SCN9A: variants seen among roughly 807,000 people sequenced by gnomAD.
SCN9A encodes the protein sodium voltage-gated channel alpha subunit 9, also known as sodium channel protein type 9 subunit alpha.
A neutral mutation model predicts 187.0 loss-of-function variants in SCN9A; 131 were observed. That is an observed-to-expected ratio of 0.70 (90% confidence interval 0.61 to 0.81). The LOEUF is 0.81. Among genes scored for constraint, SCN9A ranks in the 30% least tolerant of loss-of-function variants. SCN9A has a pLI of 0.00. For synonymous variants in SCN9A, 809 were observed against 808.6 expected (o/e 1.00, Z -0.01); for missense variants, 2,252 against 2,396.6 (o/e 0.94, Z 1.26).
At chr2:166,313,021 T>C (rs1352355239) in intron 1 of SCN9A, among the ~76,000 whole-genome samples, 1 of 139,098 alleles carries the variant, frequency 7.2e-6, no homozygotes, top group East Asian at 2.0e-4. Flanking sequence ...TTAAATAATA[T>C]AGTTATTATT....
chr2:166,321,679 A>T (rs932887006), intron 1 of SCN9A, among the ~76,000 whole-genome samples: 1 of 152,138 alleles, frequency 6.6e-6, no homozygotes, highest in African/African-American at 2.4e-5. Flanking sequence ...TGATAAACCA[A>T]AAAGGGTAAA....
intron 9 of SCN9A, among the ~76,000 whole-genome samples, chr2:166,291,999 A>G (rs1698094116): frequency 6.6e-6 from 1 of 152,222 alleles, no homozygotes; most frequent in Non-Finnish European, 1.5e-5. Flanking sequence ...ACCATTCAGG[A>G]AATAGGCATG....
intron 1 of SCN9A, among the ~76,000 whole-genome samples, chr2:166,327,145 A>T (rs188023656): frequency 6.6e-6 from 1 of 152,168 alleles, no homozygotes; most frequent in Non-Finnish European, 1.5e-5. Flanking sequence ...ATGAGTTTAA[A>T]TTTTTGAAAG....
rs1170207679 is a variant in SCN9A at position 166,304,283 on chromosome 2, T to C, written c.643A>G (p.Thr215Ala). ...TTCAAAGCTCTCAATACTCTGAAAG[T>C]TCGAAGAGCTGAAACATTGCCTAGG... The part of the protein sequence containing the change: ...VNLGNVSALR[T>A]FRVLRALKTI... The change falls in exon 6 of 27, where the codon ACT becomes GCT. Residue 215 changes from threonine to alanine, a missense_variant. Around this residue, in one of 7 missense-constraint regions of SCN9A, gnomAD observed 1,013 missense variants for 997.4 expected, o/e 1.02. Transcript: ENST00000642356. 1 of 1,613,444 alleles carries C rather than the reference T, an allele frequency of 6.2e-7. No homozygotes were observed. The highest frequency in any genetic ancestry group is 2.2e-5 in the East Asian group (1 of 44,882).
chr2:166,280,515 A>T lies in SCN9A; in HGVS notation c.2185T>A (p.Tyr729Asn), dbSNP rs749350764. The change falls in exon 14 of 27, where the codon TAT becomes AAT. Residue 729 changes from tyrosine (Y) to asparagine (N), a missense_variant. By Grantham distance (143) the Tyr-to-Asn change is moderately radical. Transcript: ENST00000642356. ...HKFLIWNCSP[Y>N]WIKFKKCIYF... ...ATACACTTTTTGAATTTTATCCAATATGGAGAGCAATTCCAGATCAAGAAT... is the reference window on the plus strand; with the variant it reads ...ATACACTTTTTGAATTTTATCCAATTTGGAGAGCAATTCCAGATCAAGAAT... 4 of 1,590,580 alleles carry T rather than the reference A, an allele frequency of 2.5e-6. No homozygotes were observed. In the East Asian group the frequency reaches 9.0e-5, roughly 36 times the overall value.
At position 166,284,580 on chromosome 2, in the gene SCN9A, C is replaced by A; in HGVS notation, c.1847G>T (p.Gly616Val). 1 of 1,614,100 alleles carries A rather than the reference C, an allele frequency of 6.2e-7. No individual in the cohort carries two copies. The highest frequency in any genetic ancestry group is 8.5e-7 in the Non-Finnish European group (1 of 1,179,964). ...GCAGTCCACAGCACTGTGCATTTTC[C>A]CGTTCACCGGCAGCATTGGTGGGGA... is the stretch of plus-strand genomic sequence containing the variant. ...SRSPPMLPVN[G>V]KMHSAVDCNG... The change falls in exon 12 of 27, where the codon GGG becomes GTG. Residue 616 changes from glycine (G) to valine (V), a missense_variant. This residue lies in a region of SCN9A where 1,013 missense variants were observed against 997.4 expected (regional missense o/e 1.02). Transcript: ENST00000642356.
At chr2:166,342,461 T>G (rs1216512693) in intron 1 of SCN9A, among the ~76,000 whole-genome samples, 1 of 152,190 alleles carries the variant, frequency 6.6e-6, no homozygotes, top group Non-Finnish European at 1.5e-5. Context: ...TATAATTAAG[T>G]GTTACAAACA....
At chr2:166,253,043 A>C (rs969557986) in intron 17 of SCN9A, among the ~76,000 whole-genome samples, 2 of 151,902 alleles carry the variant, frequency 1.3e-5, no homozygotes, top group Non-Finnish European at 2.9e-5. Context: ...ATTTCAGATA[A>C]ATTGATTCTC....
chr2:166,200,637 CTATT>C (rs1447156693), intron 26 of SCN9A, among the ~76,000 whole-genome samples: 1 of 151,900 alleles, frequency 6.6e-6, no homozygotes, highest in Non-Finnish European at 1.5e-5. Flanking sequence ...TTTTTGTAAC[CTATT>C]TATTTATTTT....
chr2:166,229,188 C>T (rs1694978532), intron 21 of SCN9A, among the ~76,000 whole-genome samples: 1 of 152,110 alleles, frequency 6.6e-6, no homozygotes, highest in Admixed American at 6.5e-5. Flanking sequence ...CTGTGATCAC[C>T]AGGCTTACAA....
rs570828511 is a variant in SCN9A at position 166,283,315 on chromosome 2, AC to A, written c.1974+1137del. Among the ~76,000 whole-genome samples the A allele has an allele frequency of 3.5e-3, 537 of 152,328 alleles. 2 individuals carry two copies. Among genetic ancestry groups the A allele is most frequent in the African/African-American group, 0.012 (505 of 41,584 alleles). On this transcript the variant is annotated intron_variant, in intron 12 of 26. Coordinates refer to ENST00000642356, the MANE Select transcript of SCN9A (RefSeq NM_001365536.1). The stretch of plus-strand genomic sequence containing the variant: ...CATGCACACATAGAGGTCACATGTT[AC>A]CTAAAAGCACATGCATTTATTCAAA...
In SCN9A at chr2:166,195,554, T is replaced by G. The variant is rs1693220736; in HGVS notation, c.*3118A>C. 1 of 152,302 alleles carries G rather than the reference T, an allele frequency of 6.6e-6. No individual in the cohort carries two copies. The highest frequency in any genetic ancestry group is 1.5e-5 in the Non-Finnish European group (1 of 68,018). The allele number at this position is 152,302 out of a possible 1,614,324, so 9.4% of individuals were successfully genotyped here. A position where few individuals can be genotyped will look rare whatever the true frequency, so the allele number is the denominator to read the frequency against. On this transcript the variant is annotated 3_prime_UTR_variant, in exon 27 of 27. Coordinates refer to ENST00000642356, the MANE Select transcript of SCN9A (RefSeq NM_001365536.1). ...TTTCTCTGAAATAGCTATTTAGAAC[T>G]GCTTTATTTACATATGCATTTTATT...
intron 1 of SCN9A, among the ~76,000 whole-genome samples, chr2:166,329,267 C>T (rs997416823): frequency 6.6e-6 from 1 of 152,022 alleles, no homozygotes; most frequent in Non-Finnish European, 1.5e-5. Context: ...CGGTTCCTTA[C>T]TTTTCAAATT....
rs1318970693 is a variant in SCN9A at position 166,340,616 on chromosome 2, C to CT, written c.-50-28811dup. Among the ~76,000 whole-genome samples the CT allele has an allele frequency of 4.7e-3, 206 of 43,626 alleles. 2 individuals carry two copies. The highest frequency in any genetic ancestry group is 0.017 in the African/African-American group (90 of 5,292). The allele number at this position is 43,626 out of a possible 152,430, so 28.6% of individuals were successfully genotyped here. A position where few individuals can be genotyped will look rare whatever the true frequency, so the allele number is the denominator to read the frequency against. ...TTTCTTTCTTTCTTTTTCTTTCTTT[C>CT]TTTCCTTTCTCTTCTTTCTTTTTTG... On this transcript the variant is annotated intron_variant, in intron 1 of 26. Coordinates refer to ENST00000642356, the MANE Select transcript of SCN9A (RefSeq NM_001365536.1).
At chr2:166,242,417 A>C in intron 19 of SCN9A, 85 bp downstream of exon 19, 2 of 1,232,364 alleles carry the variant, frequency 1.6e-6, no homozygotes, top group Non-Finnish European at 2.2e-6. Context: ...AGGTAAAACA[A>C]CTTGCCATGA....
intron 1 of SCN9A, among the ~76,000 whole-genome samples, chr2:166,333,155 T>C (rs1179717167): frequency 2.6e-5 from 4 of 152,014 alleles, no homozygotes; most frequent in African/African-American, 7.2e-5. Context: ...TTACCAGAGT[T>C]AGCAAAAAGA....
intron 1 of SCN9A, among the ~76,000 whole-genome samples, chr2:166,337,416 A>G (rs74706664): frequency 0.077 from 11,678 of 152,122 alleles, 708 homozygotes; most frequent in East Asian, 0.2. Context: ...GGAACTTAAA[A>G]TGGGAGGCTG....
At chr2:166,270,805 T>A (rs1696947701) in intron 17 of SCN9A, among the ~76,000 whole-genome samples, 2 of 151,126 alleles carry the variant, frequency 1.3e-5, no homozygotes, top group Middle Eastern at 3.4e-3. Context: ...TTCCATATAA[T>A]CTCGTTTTCC....
At chr2:166,314,346 A>AAAGGT (rs1699055350) in intron 1 of SCN9A, among the ~76,000 whole-genome samples, 1 of 152,312 alleles carries the variant, frequency 6.6e-6, no homozygotes, top group South Asian at 2.1e-4. Flanking sequence ...AAGTTAGGAT[A>AAAGGT]AAGGTTTTTA....
Sources: allele counts gnomAD v4.1 joint callset (sites outside exome capture counted in the v4.1 genomes callset), GRCh38; gene constraint gnomAD v4.1.1; regional missense constraint gnomAD v4.1.1; transcripts MANE v1.5; gene names NCBI Gene and HGNC (gene_info 2026-07-23, HGNC 2026-07-21).